Variants in PHF24 observed in about 807,000 individuals in gnomAD.
PHF24 encodes PHD finger protein 24, also known as Galpha inhibitory interacting protein.
PHF24 carries 25 observed loss-of-function variants against 42.6 expected under a neutral mutation model. The ratio of observed to expected loss-of-function variants is 0.59; its 90% CI spans 0.43 to 0.82. The LOEUF (loss-of-function observed/expected upper bound fraction) is 0.82, where lower values mean the gene tolerates loss of function less well. Among genes scored for constraint, PHF24 ranks in the 40% least tolerant of loss-of-function variants. The pLI is 0.00. For missense variants in PHF24, 470 were observed against 538.1 expected (o/e 0.87, Z 1.25); for synonymous variants, 185 against 204.8 (o/e 0.90, Z 0.83).
At chr9:34,709,262 G>C in the PHF24 span, 2 of 1,092,376 alleles carry the variant, frequency 1.8e-6, no homozygotes, top group Non-Finnish European at 2.7e-6. Flanking sequence ...GCAGGAGAAA[G>C]AGTGTGGCAA....
upstream of PHF24, among the ~76,000 whole-genome samples, chr9:34,953,031 A>C (rs769415653): frequency 2.0e-5 from 3 of 152,206 alleles, no homozygotes; most frequent in Non-Finnish European, 2.9e-5. The surrounding 1 kb of genome is among the most constrained non-coding windows in gnomAD (Gnocchi z 4.1). Flanking sequence ...TTCTCCCTAA[A>C]AGGGCAAAAT....
the PHF24 span, among the ~76,000 whole-genome samples, chr9:34,692,409 T>G: frequency 6.6e-6 from 1 of 152,212 alleles, no homozygotes; most frequent in Non-Finnish European, 1.5e-5. Flanking sequence ...ATAAGGAACA[T>G]GAGGCTCAGA....
chr9:34,818,516 A>G, the PHF24 span, among the ~76,000 whole-genome samples: 1 of 152,274 alleles, frequency 6.6e-6, no homozygotes, highest in South Asian at 2.1e-4. Context: ...TTGCATTCCC[A>G]TGGCGTACCC....
the PHF24 span, among the ~76,000 whole-genome samples, chr9:34,792,465 G>A: frequency 6.6e-6 from 1 of 152,200 alleles, no homozygotes; most frequent in Non-Finnish European, 1.5e-5. Flanking sequence ...GAGGTCGGGA[G>A]TTCGAGACCA....
At chr9:34,878,286 C>T in the PHF24 span, among the ~76,000 whole-genome samples, 1 of 152,158 alleles carries the variant, frequency 6.6e-6, no homozygotes, top group Admixed American at 6.5e-5. Context: ...CTCCAGTCTA[C>T]AGCTCCCAGC....
the PHF24 span, chr9:34,724,241 C>T: frequency 6.4e-7 from 1 of 1,551,542 alleles, no homozygotes; most frequent in Admixed American, 2.0e-5. Flanking sequence ...TGTCATGTCC[C>T]CACTGGGCTG....
chr9:34,705,245 G>A, the PHF24 span, among the ~76,000 whole-genome samples: 3 of 151,732 alleles, frequency 2.0e-5, no homozygotes, highest in African/African-American at 7.3e-5. Flanking sequence ...TCAGCAGTAG[G>A]CTTTTGGAAA....
chr9:34,878,579 G>A, the PHF24 span, among the ~76,000 whole-genome samples: 2 of 152,228 alleles, frequency 1.3e-5, no homozygotes, highest in Non-Finnish European at 2.9e-5. Flanking sequence ...CCCACACCTG[G>A]CTCAGAGGGT....
chr9:34,974,580 T>C (rs1383638866), intron 3 of PHF24, among the ~76,000 whole-genome samples: 1 of 152,112 alleles, frequency 6.6e-6, no homozygotes, highest in African/African-American at 2.4e-5. Context: ...GACCATTCTT[T>C]CTCAATGCCC....
At chr9:34,931,351 G>A in the PHF24 span, among the ~76,000 whole-genome samples, 3 of 133,142 alleles carry the variant, frequency 2.3e-5, no homozygotes, top group African/African-American at 8.4e-5. Flanking sequence ...ACTCCAGCCT[G>A]GGCAACAGAG....
chr9:34,703,843 G>A, the PHF24 span, among the ~76,000 whole-genome samples: 2 of 151,972 alleles, frequency 1.3e-5, no homozygotes, highest in Non-Finnish European at 2.9e-5. Context: ...TGAGATTACA[G>A]GTGTGTGCCA....
chr9:34,698,567 G>A, the PHF24 span, among the ~76,000 whole-genome samples: 2 of 152,004 alleles, frequency 1.3e-5, no homozygotes, highest in Admixed American at 6.6e-5. Context: ...GCGCGATCTC[G>A]GCTCCCAGGT....
the PHF24 span, among the ~76,000 whole-genome samples, chr9:34,795,535 TA>T: frequency 6.6e-6 from 1 of 152,188 alleles, no homozygotes; most frequent in Non-Finnish European, 1.5e-5. Flanking sequence ...AGAGAAATGG[TA>T]AAATTCTATG....
chr9:34,755,173 T>C, the PHF24 span, among the ~76,000 whole-genome samples: 1 of 152,102 alleles, frequency 6.6e-6, no homozygotes, highest in Non-Finnish European at 1.5e-5. Flanking sequence ...TCAATAATAG[T>C]TTAATTGTAT....
the PHF24 span, among the ~76,000 whole-genome samples, chr9:34,842,329 C>A: frequency 5.3e-5 from 8 of 152,166 alleles, no homozygotes; most frequent in South Asian, 4.2e-4. Context: ...ACATGTATTC[C>A]CATTTTTCTT....
chr9:34,703,315 C>T, the PHF24 span, among the ~76,000 whole-genome samples: 7 of 152,170 alleles, frequency 4.6e-5, no homozygotes, highest in Admixed American at 1.3e-4. Flanking sequence ...ATTACAAGCA[C>T]CCACCACCAT....
chr9:34,737,874 A>T, the PHF24 span, among the ~76,000 whole-genome samples: 1 of 152,098 alleles, frequency 6.6e-6, no homozygotes, highest in East Asian at 1.9e-4. Context: ...CTTGACACTG[A>T]ACAGATCTTT....
At chr9:34,693,237 C>A in the PHF24 span, among the ~76,000 whole-genome samples, 1 of 152,184 alleles carries the variant, frequency 6.6e-6, no homozygotes, top group African/African-American at 2.4e-5. Flanking sequence ...CTCTTCACGG[C>A]CCTGCTCTGC....
At chr9:34,718,419 G>C in the PHF24 span, among the ~76,000 whole-genome samples, 1 of 152,216 alleles carries the variant, frequency 6.6e-6, no homozygotes, top group Non-Finnish European at 1.5e-5. Context: ...GGTCAGCCCT[G>C]TGAGGCATCT....
Sources: allele counts gnomAD v4.1 joint callset (sites outside exome capture counted in the v4.1 genomes callset), GRCh38; gene constraint gnomAD v4.1.1; non-coding constraint Gnocchi (gnomAD v3.1); transcripts MANE v1.5; gene names NCBI Gene and HGNC (gene_info 2026-07-23, HGNC 2026-07-21).